The following MYOZ2 variants were observed in gnomAD, a reference collection of about 807,000 sequenced individuals.
MYOZ2 encodes myozenin-2.
MYOZ2 carries 19 observed loss-of-function variants against 25.4 expected under a neutral mutation model. That is an observed-to-expected ratio of 0.75 (90% CI 0.52 to 1.10). MYOZ2 has a LOEUF of 1.10. Among genes scored for constraint, MYOZ2 ranks in the 50% least tolerant of loss-of-function variants. The pLI is 0.00. For synonymous variants in MYOZ2, 92 were observed against 106.9 expected (o/e 0.86, Z 0.86); for missense variants, 270 against 317.9 (o/e 0.85, Z 1.15).
intron 5 of MYOZ2, among the ~76,000 whole-genome samples, chr4:119,174,731 A>C (rs1742019113): frequency 1.3e-5 from 2 of 152,192 alleles, no homozygotes; most frequent in Non-Finnish European, 2.9e-5. Context: ...TGCCCAAGCC[A>C]GCAGTGGCAA....
At chr4:119,153,968 A>G (rs7655957) in intron 3 of MYOZ2, among the ~76,000 whole-genome samples, 89,648 of 151,932 alleles carry the variant, frequency 0.59, 28,758 homozygotes, top group Non-Finnish European at 0.72. Context: ...AGTAAAATGG[A>G]AGAATGCCTC....
intron 3 of MYOZ2, among the ~76,000 whole-genome samples, chr4:119,156,912 AG>A (rs966869692): frequency 6.6e-6 from 1 of 152,160 alleles, no homozygotes; most frequent in African/African-American, 2.4e-5. Context: ...ATAAAAATGG[AG>A]ATAAACTTTA....
intron 5 of MYOZ2, among the ~76,000 whole-genome samples, chr4:119,170,256 T>C (rs75569800): frequency 0.03 from 4,457 of 151,052 alleles, 233 homozygotes; most frequent in African/African-American, 0.1. Context: ...AAGGGCCTTG[T>C]ATAAATAGAA....
At chr4:119,160,605 A>G (rs1741686168) in intron 4 of MYOZ2, among the ~76,000 whole-genome samples, 1 of 152,092 alleles carries the variant, frequency 6.6e-6, no homozygotes, top group Non-Finnish European at 1.5e-5. Flanking sequence ...GTGTGGTTGT[A>G]TATGTATGTT....
At chr4:119,177,667 C>T (rs2149228944) in intron 5 of MYOZ2, among the ~76,000 whole-genome samples, 1 of 152,250 alleles carries the variant, frequency 6.6e-6, no homozygotes, top group East Asian at 1.9e-4. Context: ...CATTCGGAAC[C>T]ACATAGCCTG....
intron 2 of MYOZ2, among the ~76,000 whole-genome samples, chr4:119,150,013 G>C (rs1050472109): frequency 6.6e-6 from 1 of 152,064 alleles, no homozygotes; most frequent in Non-Finnish European, 1.5e-5. Context: ...TTTAACGGTA[G>C]TCAACTGTGG....
chr4:119,155,709 A>T (rs1741557480), intron 3 of MYOZ2, among the ~76,000 whole-genome samples: 1 of 152,196 alleles, frequency 6.6e-6, no homozygotes, highest in Non-Finnish European at 1.5e-5. Context: ...CATTTTATTC[A>T]CTAGGCAATT....
At chr4:119,163,709 A>G (rs1180589615) in intron 4 of MYOZ2, among the ~76,000 whole-genome samples, 2 of 152,170 alleles carry the variant, frequency 1.3e-5, no homozygotes, top group Non-Finnish European at 1.5e-5. Context: ...AAGCTCAAAC[A>G]TTTTACAGAG....
chr4:119,141,152 G>A (rs369168028), intron 2 of MYOZ2, among the ~76,000 whole-genome samples: 4 of 152,180 alleles, frequency 2.6e-5, no homozygotes, highest in African/African-American at 7.2e-5. Context: ...CTGTGCAAAT[G>A]CAGATAATCA....
intron 2 of MYOZ2, among the ~76,000 whole-genome samples, chr4:119,145,389 T>C (rs1741265028): frequency 7.0e-6 from 1 of 142,886 alleles, no homozygotes; most frequent in Non-Finnish European, 1.5e-5. Context: ...CTGTCTCCCA[T>C]GTTGGAGTGC....
intron 2 of MYOZ2, among the ~76,000 whole-genome samples, chr4:119,138,148 G>A (rs939277244): frequency 6.6e-6 from 1 of 151,986 alleles, no homozygotes; most frequent in East Asian, 1.9e-4. Flanking sequence ...ATCAAAGTGG[G>A]GGAAACCCTC....
chr4:119,136,646 A>G, intron 2 of MYOZ2, 45 bp downstream of exon 2: 1 of 1,549,224 alleles, frequency 6.5e-7, no homozygotes, highest in African/African-American at 1.4e-5. Flanking sequence ...CACAGCATGA[A>G]TGTGGCTCCA....
chr4:119,168,223 C>T (rs1020643308), intron 5 of MYOZ2, among the ~76,000 whole-genome samples: 31 of 152,194 alleles, frequency 2.0e-4, no homozygotes, highest in South Asian at 6.2e-4. Flanking sequence ...CTGCCCGCCT[C>T]GGTCTCCCAA....
chr4:119,175,364 C>G (rs1277873022), intron 5 of MYOZ2, among the ~76,000 whole-genome samples: 2 of 152,130 alleles, frequency 1.3e-5, no homozygotes, highest in African/African-American at 4.8e-5. Context: ...TGAATAAATT[C>G]ATTTCTGGAA....
intron 5 of MYOZ2, among the ~76,000 whole-genome samples, chr4:119,185,384 G>C (rs1742270576): frequency 6.6e-6 from 1 of 151,950 alleles, no homozygotes; most frequent in African/African-American, 2.4e-5. Context: ...GCATGATCTT[G>C]GTTCACTGCA....
chr4:119,169,209 C>T (rs1741897173), intron 5 of MYOZ2, among the ~76,000 whole-genome samples: 1 of 152,166 alleles, frequency 6.6e-6, no homozygotes, highest in Admixed American at 6.5e-5. Flanking sequence ...TTCTTAAGGA[C>T]ACAATGCTAT....
At chr4:119,172,823 A>G (rs1447885647) in intron 5 of MYOZ2, among the ~76,000 whole-genome samples, 1 of 152,222 alleles carries the variant, frequency 6.6e-6, no homozygotes, top group Non-Finnish European at 1.5e-5. Flanking sequence ...AGGAAGAGGA[A>G]CAGCTTGGAG....
At chr4:119,174,773 C>T (rs1239465831) in intron 5 of MYOZ2, among the ~76,000 whole-genome samples, 5 of 152,114 alleles carry the variant, frequency 3.3e-5, no homozygotes, top group Non-Finnish European at 7.4e-5. Flanking sequence ...ACAGTGGAAG[C>T]TTTGTTCTTT....
intron 2 of MYOZ2, 28 bp downstream of exon 2, chr4:119,136,629 A>G (rs1254817298): frequency 6.3e-7 from 1 of 1,587,686 alleles, no homozygotes; most frequent in Non-Finnish European, 8.6e-7. Context: ...TCGTAGCATT[A>G]ATATAGCACA....
Sources: allele counts gnomAD v4.1 joint callset (sites outside exome capture counted in the v4.1 genomes callset), GRCh38; gene constraint gnomAD v4.1.1; transcripts MANE v1.5; gene names NCBI Gene and HGNC (gene_info 2026-07-23, HGNC 2026-07-21).